ASIC2: variants seen among roughly 807,000 people sequenced by gnomAD.
The protein encoded by ASIC2 is acid sensing ion channel subunit 2, also known as acid-sensing ion channel 2.
Under a neutral mutation model 57.3 loss-of-function variants are expected in ASIC2, and 25 were observed. The observed-to-expected ratio is 0.44, with a 90% CI of 0.32 to 0.61. The LOEUF (loss-of-function observed/expected upper bound fraction) is 0.61, where lower values mean the gene tolerates loss of function less well. Among genes scored for constraint, ASIC2 ranks in the 20% least tolerant of loss-of-function variants. The pLI, the probability that ASIC2 is intolerant of heterozygous loss-of-function variation, is 0.06. For missense variants in ASIC2, 641 were observed against 738.1 expected (o/e 0.87, Z 1.52); for synonymous variants, 319 against 307.5 (o/e 1.04, Z -0.39).
intron 1 of ASIC2, among the ~76,000 whole-genome samples, chr17:33,798,365 C>T (rs1166370477): frequency 2.0e-5 from 3 of 152,174 alleles, no homozygotes; most frequent in Admixed American, 6.5e-5. Flanking sequence ...TGCCAGCCTC[C>T]ACTGATTCCC....
At chr17:34,068,920 T>C (rs1251671495) in intron 1 of ASIC2, among the ~76,000 whole-genome samples, 2 of 152,184 alleles carry the variant, frequency 1.3e-5, no homozygotes, top group African/African-American at 2.4e-5. Context: ...CAAAGGCTTT[T>C]AGTAAGCAAG....
At chr17:33,504,540 A>G (rs757143402) in intron 1 of ASIC2, among the ~76,000 whole-genome samples, 1 of 152,156 alleles carries the variant, frequency 6.6e-6, no homozygotes, top group African/African-American at 2.4e-5. Context: ...GGGTTTCACA[A>G]TGTTGGCCAG....
intron 1 of ASIC2, among the ~76,000 whole-genome samples, chr17:33,317,886 AGTGTGTGTGT>A (rs57716479): frequency 0.14 from 20,139 of 144,362 alleles, 1,400 homozygotes; most frequent in East Asian, 0.27. Context: ...TGTGGAGATG[AGTGTGTGTGT>A]GTGTGTGTGT....
chr17:33,840,371 C>A (rs1597897909), intron 1 of ASIC2, among the ~76,000 whole-genome samples: 2 of 152,170 alleles, frequency 1.3e-5, no homozygotes, highest in African/African-American at 4.8e-5. Context: ...GAGGCTTCAG[C>A]AAAACTGAAG....
At chr17:33,659,409 C>T (rs971025464) in intron 1 of ASIC2, among the ~76,000 whole-genome samples, 1 of 152,128 alleles carries the variant, frequency 6.6e-6, no homozygotes, top group Non-Finnish European at 1.5e-5. Context: ...CTCCGTGGTA[C>T]AGCCGACCAC....
intron 1 of ASIC2, among the ~76,000 whole-genome samples, chr17:34,074,310 A>G (rs1883438248): frequency 6.6e-6 from 1 of 152,184 alleles, no homozygotes; most frequent in Non-Finnish European, 1.5e-5. Context: ...ATTGCATGCA[A>G]TGTAATTCTA....
Position 33,191,447 on chromosome 17 carries a change from A to G in ASIC2, c.709-79380T>C, listed in dbSNP as rs960950172. 3.9e-5 allele frequency among the ~76,000 whole-genome samples: 6 copies of G among 152,116 alleles called. No individual in the cohort carries two copies. In the East Asian group the frequency reaches 1.2e-3, roughly 29 times the overall value. On this transcript the variant is annotated intron_variant, in intron 1 of 9. Transcript: ENST00000225823. ...CAGGTATATGTATTTGTCACAACTC[A>G]TCAGATTAAACACTTTAAATATGTG...
intron 1 of ASIC2, among the ~76,000 whole-genome samples, chr17:33,351,162 G>A (rs1567831980): frequency 6.6e-6 from 1 of 152,168 alleles, no homozygotes; most frequent in East Asian, 1.9e-4. Flanking sequence ...AGGAAAATGA[G>A]GATAATACTA....
At chr17:33,016,436 A>G (rs528316764) in intron 8 of ASIC2, among the ~76,000 whole-genome samples, 3 of 152,228 alleles carry the variant, frequency 2.0e-5, no homozygotes, top group South Asian at 4.1e-4. Flanking sequence ...TAGGCCTGAC[A>G]CTGCACACAA....
At chr17:33,541,385 G>A (rs1426452942) in intron 1 of ASIC2, 2 of 152,150 alleles carry the variant, frequency 1.3e-5, no homozygotes, top group African/African-American at 2.4e-5. Context: ...CCCGAACAGA[G>A]TGATTGAGTG....
At position 34,050,702 on chromosome 17, in the gene ASIC2, T is replaced by TTA. The variant is rs1471748266; in HGVS notation, c.555+105274_555+105275dup. On this transcript the variant is annotated intron_variant, in intron 1 of 9. Coordinates refer to the ASIC2 transcript ENST00000359872. ...ATACATCACCCGAACCTCAAGCAGC[T>TTA]TATAGACCACATAGGAGCATGTGTA... is the stretch of plus-strand genomic sequence containing the variant. 2.0e-5 allele frequency among the ~76,000 whole-genome samples: 3 copies of TTA among 152,230 alleles called. No homozygotes were observed. The East Asian group carries it at 5.8e-4, about 29-fold the overall frequency.
chr17:33,579,772 G>C (rs144102929), intron 1 of ASIC2, among the ~76,000 whole-genome samples: 1 of 152,146 alleles, frequency 6.6e-6, no homozygotes, highest in East Asian at 1.9e-4. Flanking sequence ...ATTCAGAAGA[G>C]CAAAAGAACA....
chr17:33,147,658 T>C (rs1223492542), intron 1 of ASIC2, among the ~76,000 whole-genome samples: 4 of 152,058 alleles, frequency 2.6e-5, no homozygotes, highest in Non-Finnish European at 4.4e-5. Flanking sequence ...CATAGGAGGA[T>C]CTGCTAATAA....
At chr17:34,077,699 C>T (rs1375243052) in intron 1 of ASIC2, among the ~76,000 whole-genome samples, 4 of 152,102 alleles carry the variant, frequency 2.6e-5, no homozygotes, top group Admixed American at 2.6e-4. Flanking sequence ...TTAATTGCGT[C>T]CTCATTGAAA....
chr17:33,593,130 G>T (rs1252934090), intron 1 of ASIC2, among the ~76,000 whole-genome samples: 1 of 152,172 alleles, frequency 6.6e-6, no homozygotes, highest in South Asian at 2.1e-4. Flanking sequence ...TTGTGGCCAG[G>T]ATATACAAAG....
At chr17:33,332,159 G>T (rs1480307749) in intron 1 of ASIC2, among the ~76,000 whole-genome samples, 2 of 152,196 alleles carry the variant, frequency 1.3e-5, no homozygotes, top group African/African-American at 4.8e-5. Context: ...TTCGTGTTAT[G>T]AAGATTACCT....
intron 1 of ASIC2, among the ~76,000 whole-genome samples, chr17:33,782,594 C>T (rs769233336): frequency 2.6e-5 from 4 of 152,056 alleles, no homozygotes; most frequent in African/African-American, 7.2e-5. Context: ...CTGGGCTTGG[C>T]GGCATATGCC....
chr17:34,152,331 AC>A (rs1298456862), intron 1 of ASIC2, among the ~76,000 whole-genome samples: 1 of 152,212 alleles, frequency 6.6e-6, no homozygotes, highest in African/African-American at 2.4e-5. Flanking sequence ...GAGTCAGATG[AC>A]CCCTAACATG....
At chr17:34,054,302 G>T (rs1908679492) in intron 1 of ASIC2, among the ~76,000 whole-genome samples, 1 of 152,154 alleles carries the variant, frequency 6.6e-6, no homozygotes, top group Admixed American at 6.5e-5. Context: ...TTTTACCTGG[G>T]AGACATTGAT....
Sources: allele counts gnomAD v4.1 joint callset (sites outside exome capture counted in the v4.1 genomes callset), GRCh38; gene constraint gnomAD v4.1.1; transcripts MANE v1.5; gene names NCBI Gene and HGNC (gene_info 2026-07-23, HGNC 2026-07-21).